The following NGLY1 variants were observed in gnomAD, a reference collection of about 807,000 sequenced individuals.
NGLY1 encodes peptide-N(4)-(N-acetyl-beta-glucosaminyl)asparagine amidase.
NGLY1 carries 68 observed loss-of-function variants against 84.6 expected under a neutral mutation model. That is an observed-to-expected ratio of 0.80 (90% CI 0.66 to 0.98). The LOEUF (loss-of-function observed/expected upper bound fraction) is 0.98, where lower values mean the gene tolerates loss of function less well. NGLY1 is among the 50% of genes least tolerant of loss of function. NGLY1 has a pLI of 0.00. For synonymous variants in NGLY1, 280 were observed against 275.2 expected, an observed-to-expected ratio of 1.02 and a Z score of -0.17; for missense variants, 779 against 770.2, an observed-to-expected ratio of 1.01 and a Z score of -0.14.
At chr3:25,744,532 G>A (rs779818894) in intron 4 of NGLY1, among the ~76,000 whole-genome samples, 6 of 152,178 alleles carry the variant, frequency 3.9e-5, no homozygotes, top group Admixed American at 6.5e-5. Context: ...CGGGGGCTTC[G>A]TCATCATCTC....
chr3:25,766,677 A>G (rs1363707382), intron 2 of NGLY1, among the ~76,000 whole-genome samples: 1 of 152,224 alleles, frequency 6.6e-6, no homozygotes, highest in African/African-American at 2.4e-5. Flanking sequence ...TCTGGTTTAA[A>G]ACCAAATATG....
chr3:25,729,274 A>C lies in NGLY1; in HGVS notation c.1470T>G (p.Ser490=), dbSNP rs760580010. The change falls in exon 10 of 12, where the codon TCT becomes TCG. Residue 490 remains serine, a synonymous_variant. Coordinates refer to ENST00000280700, the MANE Select transcript of NGLY1 (RefSeq NM_018297.4). ...TATTGTAACAAAGGTGGAGCTGTTT[A>C]GAAATCTTCTCATTTTCACAGGGAA... is the stretch of plus-strand genomic sequence containing the variant. ...LFIPCENEKI[S]KQLHLCYNIV... The C allele has an allele frequency of 6.0e-6, 9 of 1,493,892 alleles. No individual in the cohort carries two copies. Among genetic ancestry groups the C allele is most frequent in the Non-Finnish European group, 8.1e-6 (9 of 1,113,112 alleles). 92.5% of individuals were successfully genotyped at this position (1,493,892 alleles called of 1,614,324 possible).
At position 25,719,327 on chromosome 3, in the gene NGLY1, G is replaced by C. The variant is rs894956192; in HGVS notation, c.*133C>G. 3.3e-6 allele frequency: 2 copies of C among 602,746 alleles called. No individual in the cohort carries two copies. The highest frequency in any genetic ancestry group is 3.7e-5 in the African/African-American group (2 of 54,262). 37.3% of individuals were successfully genotyped at this position (602,746 alleles called of 1,614,324 possible). On this transcript the variant is annotated 3_prime_UTR_variant, in exon 12 of 12. Transcript: ENST00000280700. ...ACGTATAAAGATAATTTTCATGAGG[G>C]TTACATGATGGATAGCTAGCAAAAG...
intron 1 of NGLY1, among the ~76,000 whole-genome samples, chr3:25,782,031 G>A (rs34458577): frequency 0.045 from 6,883 of 152,222 alleles, 246 homozygotes; most frequent in African/African-American, 0.1. Flanking sequence ...AGTTGAGAAG[G>A]TGTCACAGAG....
At chr3:25,735,253 G>A (rs987355158) in intron 7 of NGLY1, 2 of 152,052 alleles carry the variant, frequency 1.3e-5, no homozygotes, top group Non-Finnish European at 2.9e-5. Context: ...AAATCATTAA[G>A]AGCATAAAAA....
exon 1 of NGLY1, chr3:25,789,985 G>T: frequency 1.6e-6 from 2 of 1,266,876 alleles, no homozygotes; most frequent in Non-Finnish European, 2.2e-6. Context: ...AAGGTGACGC[G>T]GCTTAAAGTC....
chr3:25,719,340 T>C lies in NGLY1; in HGVS notation c.*120A>G. 1.5e-6 allele frequency: 1 copy of C among 680,086 alleles called. No individual in the cohort carries two copies. The highest frequency in any genetic ancestry group is 2.5e-6 in the Non-Finnish European group (1 of 406,274). The allele number at this position is 680,086 out of a possible 1,614,324, so 42.1% of individuals were successfully genotyped here. Reference sequence around the variant, plus strand: ...ATTTTCATGAGGGTTACATGATGGATAGCTAGCAAAAGAAATATGCTAGCA... The same window carrying C: ...ATTTTCATGAGGGTTACATGATGGACAGCTAGCAAAAGAAATATGCTAGCA... On this transcript the variant is annotated 3_prime_UTR_variant, in exon 12 of 12. Coordinates refer to ENST00000280700, the MANE Select transcript of NGLY1 (RefSeq NM_018297.4).
intron 3 of NGLY1, among the ~76,000 whole-genome samples, chr3:25,760,683 A>G (rs1404679988): frequency 6.6e-6 from 1 of 152,050 alleles, no homozygotes; most frequent in Admixed American, 6.6e-5. Context: ...AACATGGAGA[A>G]ACCCCGTCTC....
At position 25,720,033 on chromosome 3, in the gene NGLY1, T is replaced by A; in HGVS notation, c.1770A>T (p.Ala590=). 1 of 1,613,232 alleles carries A rather than the reference T, an allele frequency of 6.2e-7. No homozygotes were observed. Among genetic ancestry groups the A allele is most frequent in the Non-Finnish European group, 8.5e-7 (1 of 1,179,482 alleles). Residue 590 remains alanine (A), a synonymous_variant, in exon 11 of 12, where the codon GCA becomes GCT. Coordinates refer to ENST00000280700, the MANE Select transcript of NGLY1 (RefSeq NM_018297.4). Reference sequence around the variant, plus strand: ...GCTTACCGCCTGTCAGTTCTACTTGTGCTGTATCAGATCGCAATTTCCATT... The same window carrying A: ...GCTTACCGCCTGTCAGTTCTACTTGAGCTGTATCAGATCGCAATTTCCATT... ...TVEWKLRSDT[A]QVELTGDNSL...
At chr3:25,789,394 T>C (rs1011907200) in intron 1 of NGLY1, among the ~76,000 whole-genome samples, 1 of 152,174 alleles carries the variant, frequency 6.6e-6, no homozygotes, top group African/African-American at 2.4e-5. Context: ...GTAAAAACTT[T>C]ATTACAAAAA....
intron 4 of NGLY1, among the ~76,000 whole-genome samples, chr3:25,750,417 A>G (rs1270352456): frequency 6.6e-6 from 1 of 152,226 alleles, no homozygotes; most frequent in Admixed American, 6.5e-5. Flanking sequence ...CAAATACTGT[A>G]TGATTCCACT....
chr3:25,756,618 C>A (rs955498487), intron 3 of NGLY1, among the ~76,000 whole-genome samples: 1 of 152,182 alleles, frequency 6.6e-6, no homozygotes, highest in Non-Finnish European at 1.5e-5. Context: ...TGGACCTAGG[C>A]AAAACCAATG....
chr3:25,754,499 C>A (rs1009674072), intron 3 of NGLY1, among the ~76,000 whole-genome samples: 1 of 151,966 alleles, frequency 6.6e-6, no homozygotes, highest in Non-Finnish European at 1.5e-5. Flanking sequence ...AATGATAAGC[C>A]ATTAAAGAGA....
chr3:25,779,004 C>T (rs1378479531), intron 1 of NGLY1, among the ~76,000 whole-genome samples: 2 of 134,662 alleles, frequency 1.5e-5, no homozygotes, highest in Admixed American at 8.7e-5. Context: ...GGCGTGACCT[C>T]GGCTCACTAC....
chr3:25,789,873 T>A, exon 1 of NGLY1: 1 of 1,551,750 alleles, frequency 6.4e-7, no homozygotes, highest in Non-Finnish European at 8.7e-7. Flanking sequence ...CATCGCGTTA[T>A]TGGCAGGTCC....
intron 7 of NGLY1, 119 bp from the exon 8 acceptor site, chr3:25,734,101 C>G (rs1407908401): frequency 1.4e-6 from 2 of 1,396,730 alleles, no homozygotes; most frequent in Non-Finnish European, 1.9e-6. Flanking sequence ...AAGTCTCGCT[C>G]TGTTGTCCAG....
At chr3:25,722,274 C>CATATATAT (rs1553650650) in intron 10 of NGLY1, among the ~76,000 whole-genome samples, 1,612 of 148,600 alleles carry the variant, frequency 0.011, 13 homozygotes, top group East Asian at 0.023. Context: ...TGTATACACA[C>CATATATAT]ATATATATAT....
Position 25,751,024 on chromosome 3 carries a change from G to A in NGLY1, c.658+74C>T. 2 of 1,446,110 alleles carry A rather than the reference G, an allele frequency of 1.4e-6. 1 individual carries two copies. The highest frequency in any genetic ancestry group is 3.9e-5 in the Admixed American group (2 of 51,492). 89.6% of individuals were successfully genotyped at this position (1,446,110 alleles called of 1,614,324 possible). A position where few individuals can be genotyped will look rare whatever the true frequency, so the allele number is the denominator to read the frequency against. On this transcript the variant is annotated intron_variant, in intron 4 of 11. Coordinates refer to ENST00000280700, the MANE Select transcript of NGLY1 (RefSeq NM_018297.4). ...TCAAACCCATGTTCTTCAAGGGTCA[G>A]TTGTATTTCAGTATTTTCTGTTTAT...
chr3:25,780,357 C>T (rs1323861618), intron 1 of NGLY1, among the ~76,000 whole-genome samples: 1 of 152,136 alleles, frequency 6.6e-6, no homozygotes, highest in African/African-American at 2.4e-5. Context: ...ATAAAATAAT[C>T]CTACATTTAT....
Sources: allele counts gnomAD v4.1 joint callset (sites outside exome capture counted in the v4.1 genomes callset), GRCh38; gene constraint gnomAD v4.1.1; transcripts MANE v1.5; gene names NCBI Gene and HGNC (gene_info 2026-07-23, HGNC 2026-07-21).